TENM1: variants seen among roughly 807,000 people sequenced by gnomAD.
TENM1 encodes the protein teneurin-1.
A neutral mutation model predicts 174.8 loss-of-function variants in TENM1; 35 were observed. The observed-to-expected ratio is 0.20, with a 90% CI of 0.15 to 0.27. The LOEUF is 0.27. TENM1 is among the 10% of genes least tolerant of loss of function. The pLI, the probability that TENM1 is intolerant of heterozygous loss-of-function variation, is 1.00. For missense variants in TENM1, 1,633 were observed against 2,130.1 expected (o/e 0.77, Z 4.59); for synonymous variants, 781 against 798.7 (o/e 0.98, Z 0.37).
At chrX:124,844,012 T>G (rs1190149245) in intron 3 of TENM1, among the ~76,000 whole-genome samples, 1 of 111,559 alleles carries the variant, frequency 9.0e-6, no homozygotes, top group African/African-American at 3.3e-5. Context: ...CTTCTCGGCT[T>G]CCTTGTTTTG....
At chrX:124,445,839 A>C (rs1012937876) in intron 23 of TENM1, among the ~76,000 whole-genome samples, 4 of 112,167 alleles carry the variant, frequency 3.6e-5, no homozygotes, top group Non-Finnish European at 7.5e-5. Flanking sequence ...ATCAGATGGA[A>C]GTGAGTTACC....
chrX:125,139,895 G>A, the TENM1 span, among the ~76,000 whole-genome samples: 3 of 105,524 alleles, frequency 2.8e-5, no homozygotes, highest in East Asian at 9.0e-4. Context: ...GAGAGACAGA[G>A]AATGAGAGAG....
At chrX:125,160,544 CAAA>C in the TENM1 span, among the ~76,000 whole-genome samples, 2 of 28,997 alleles carry the variant, frequency 6.9e-5, no homozygotes, top group South Asian at 6.3e-3. Flanking sequence ...GACCCCGTCT[CAAA>C]AAAAAAAAAA....
At chrX:124,762,019 T>C (rs2054429905) in intron 3 of TENM1, among the ~76,000 whole-genome samples, 2 of 112,420 alleles carry the variant, frequency 1.8e-5, no homozygotes, top group South Asian at 7.3e-4. Context: ...TCTTTTACAA[T>C]TGATTTGAAA....
chrX:124,950,139 G>T (rs915175980), intron 1 of TENM1, among the ~76,000 whole-genome samples: 1 of 111,034 alleles, frequency 9.0e-6, no homozygotes, highest in Non-Finnish European at 1.9e-5. Context: ...AATTCATTCA[G>T]GAAATATTTC....
chrX:125,059,616 C>G, the TENM1 span, among the ~76,000 whole-genome samples: 1 of 111,319 alleles, frequency 9.0e-6, no homozygotes, highest in Non-Finnish European at 1.9e-5. Flanking sequence ...TCCTCAACCC[C>G]TAACTCTGCT....
At chrX:124,518,367 G>A (rs1192169788) in intron 18 of TENM1, among the ~76,000 whole-genome samples, 3 of 105,348 alleles carry the variant, frequency 2.8e-5, no homozygotes, top group African/African-American at 1.0e-4. Context: ...GCACAGAGAA[G>A]GACAGAAAAG....
At chrX:124,631,360 G>A in intron 11 of TENM1, among the ~76,000 whole-genome samples, 1 of 111,309 alleles carries the variant, frequency 9.0e-6, no homozygotes, top group Non-Finnish European at 1.9e-5. Flanking sequence ...GAGATTTAGT[G>A]AGCTAGAAGA....
At chrX:124,410,721 A>G (rs1208914073) in intron 25 of TENM1, among the ~76,000 whole-genome samples, 2 of 112,423 alleles carry the variant, frequency 1.8e-5, no homozygotes, top group African/African-American at 6.5e-5. Flanking sequence ...ATGAACAGAC[A>G]CTTCTCAAAA....
chrX:124,438,155 T>C (rs1207323360), intron 23 of TENM1, among the ~76,000 whole-genome samples: 1 of 111,438 alleles, frequency 9.0e-6, no homozygotes, highest in Non-Finnish European at 1.9e-5. Flanking sequence ...CTAGAACTCC[T>C]GGCATCAGGT....
chrX:124,685,408 A>T (rs1214408114), intron 5 of TENM1, among the ~76,000 whole-genome samples: 2 of 111,284 alleles, frequency 1.8e-5, no homozygotes, highest in East Asian at 2.8e-4. Flanking sequence ...TGAACTGAAA[A>T]ATTCCATCAA....
At chrX:125,182,800 G>A in the TENM1 span, among the ~76,000 whole-genome samples, 8 of 111,304 alleles carry the variant, frequency 7.2e-5, no homozygotes, top group Non-Finnish European at 1.1e-4. Flanking sequence ...AATAAAAAGT[G>A]CTTCTTCTGG....
At chrX:124,510,910 C>T (rs969591935) in intron 18 of TENM1, among the ~76,000 whole-genome samples, 2 of 111,718 alleles carry the variant, frequency 1.8e-5, no homozygotes, top group South Asian at 3.8e-4. Context: ...TTTTTCAAAA[C>T]GAAAACGCTG....
intron 3 of TENM1, among the ~76,000 whole-genome samples, chrX:124,767,809 A>G (rs1467586169): frequency 9.0e-6 from 1 of 111,556 alleles, no homozygotes; most frequent in Non-Finnish European, 1.9e-5. Context: ...GTTTAGAGAT[A>G]TAGCCTAAAT....
chrX:124,591,010 G>A (rs1449061328), intron 11 of TENM1, among the ~76,000 whole-genome samples: 3 of 111,655 alleles, frequency 2.7e-5, no homozygotes, highest in Admixed American at 9.5e-5. Flanking sequence ...ATTTACTGTC[G>A]TTGGCTTAAA....
intron 4 of TENM1, among the ~76,000 whole-genome samples, chrX:124,705,756 T>C (rs1326690147): frequency 8.9e-6 from 1 of 112,511 alleles, no homozygotes; most frequent in Non-Finnish European, 1.9e-5. Flanking sequence ...AATTTTATAA[T>C]AAACAATCAC....
chrX:125,194,457 A>G, the TENM1 span, among the ~76,000 whole-genome samples: 10 of 110,803 alleles, frequency 9.0e-5, no homozygotes, highest in African/African-American at 3.0e-4. Flanking sequence ...ATCTACTTCA[A>G]TCCTTCCTCC....
At chrX:124,495,729 G>C (rs7473888) in intron 20 of TENM1, among the ~76,000 whole-genome samples, 32,402 of 99,931 alleles carry the variant, frequency 0.32, 6,566 homozygotes, top group African/African-American at 0.66. Flanking sequence ...AGGATACAAA[G>C]AAATGGAAGA....
chrX:125,037,932 T>C, the TENM1 span, among the ~76,000 whole-genome samples: 1 of 111,653 alleles, frequency 9.0e-6, no homozygotes, highest in Non-Finnish European at 1.9e-5. Context: ...GAAAGAACTT[T>C]ATCTGTTTCA....
Sources: gnomAD v4.1 joint callset for allele counts (sites outside exome capture counted in the v4.1 genomes callset) on GRCh38, gnomAD v4.1.1 for gene constraint, MANE v1.5 for transcripts, NCBI Gene and HGNC (gene_info 2026-07-23, HGNC 2026-07-21) for gene names.